ENTREP2: variants seen among roughly 807,000 people sequenced by gnomAD.
ENTREP2 encodes the protein endosomal transmembrane epsin interactor 2, also known as protein ENTREP2.
the ENTREP2 span, among the ~76,000 whole-genome samples, chr15:29,470,830 T>C: frequency 5.3e-5 from 8 of 152,256 alleles, no homozygotes; most frequent in African/African-American, 1.9e-4. Context: ...TTTTGTTTAA[T>C]TGGTAATTAA....
the ENTREP2 span, among the ~76,000 whole-genome samples, chr15:29,271,747 G>A: frequency 5.3e-5 from 8 of 152,210 alleles, no homozygotes; most frequent in African/African-American, 1.9e-4. Context: ...GACAGAAATT[G>A]TGCATTTGGG....
the ENTREP2 span, among the ~76,000 whole-genome samples, chr15:29,506,058 A>C: frequency 2.0e-5 from 3 of 152,168 alleles, no homozygotes; most frequent in Non-Finnish European, 4.4e-5. Context: ...AGCTTAGAGA[A>C]GAACATAAAT....
At chr15:29,234,361 C>A in the ENTREP2 span, 1 of 1,578,800 alleles carries the variant, frequency 6.3e-7, no homozygotes, top group Non-Finnish European at 8.7e-7. Context: ...CACTGTAACA[C>A]AGAAATGTCA....
chr15:29,344,383 C>T, the ENTREP2 span, among the ~76,000 whole-genome samples: 1 of 152,218 alleles, frequency 6.6e-6, no homozygotes, highest in Non-Finnish European at 1.5e-5. Flanking sequence ...AAACCCTAAA[C>T]ATATGTAATC....
At chr15:29,410,600 C>G in the ENTREP2 span, among the ~76,000 whole-genome samples, 2 of 152,326 alleles carry the variant, frequency 1.3e-5, no homozygotes, top group South Asian at 4.1e-4. Flanking sequence ...CTCCCTCTGC[C>G]TTCCTGACTG....
chr15:29,537,758 G>A, the ENTREP2 span, among the ~76,000 whole-genome samples: 7 of 152,148 alleles, frequency 4.6e-5, no homozygotes, highest in East Asian at 1.9e-4. Flanking sequence ...AAAAGCCACC[G>A]TCCTCCCAGT....
the ENTREP2 span, among the ~76,000 whole-genome samples, chr15:29,515,225 G>C: frequency 6.6e-6 from 1 of 152,222 alleles, no homozygotes; most frequent in Non-Finnish European, 1.5e-5. Context: ...GAGTGGGTCA[G>C]ACCTGAGTCC....
At chr15:29,208,445 T>G in the ENTREP2 span, among the ~76,000 whole-genome samples, 2 of 152,196 alleles carry the variant, frequency 1.3e-5, no homozygotes, top group African/African-American at 4.8e-5. Flanking sequence ...TAGGGCAGCC[T>G]CAGAGTGCTC....
the ENTREP2 span, among the ~76,000 whole-genome samples, chr15:29,150,946 A>G: frequency 7.0e-4 from 106 of 151,860 alleles, 1 homozygote; most frequent in Non-Finnish European, 6.6e-4. Context: ...ACAGAGACAG[A>G]GAGAGACAGA....
the ENTREP2 span, among the ~76,000 whole-genome samples, chr15:29,241,620 T>TC: frequency 6.6e-6 from 1 of 152,194 alleles, no homozygotes; most frequent in Non-Finnish European, 1.5e-5. Context: ...AACCAAATAT[T>TC]CATCAAGCCA....
the ENTREP2 span, among the ~76,000 whole-genome samples, chr15:29,240,173 A>G: frequency 1.2e-4 from 19 of 152,066 alleles, no homozygotes; most frequent in South Asian, 3.7e-3. Context: ...GACCAGCCTG[A>G]CCAACATGTA....
At chr15:29,424,333 G>A in the ENTREP2 span, among the ~76,000 whole-genome samples, 1 of 151,482 alleles carries the variant, frequency 6.6e-6, no homozygotes, top group Non-Finnish European at 1.5e-5. Context: ...ATTTTACAGA[G>A]CGTTGATTGG....
the ENTREP2 span, among the ~76,000 whole-genome samples, chr15:29,245,746 AC>A: frequency 6.6e-6 from 1 of 152,196 alleles, no homozygotes; most frequent in South Asian, 2.1e-4. Context: ...GCTCAACTTC[AC>A]TTTTAATTAA....
chr15:29,388,854 T>C, the ENTREP2 span, among the ~76,000 whole-genome samples: 1 of 151,044 alleles, frequency 6.6e-6, no homozygotes, highest in East Asian at 2.0e-4. Context: ...CTCAGCAAAC[T>C]ATCGCAAGGA....
At chr15:29,644,967 A>G in the ENTREP2 span, among the ~76,000 whole-genome samples, 2 of 152,224 alleles carry the variant, frequency 1.3e-5, no homozygotes, top group Non-Finnish European at 2.9e-5. Context: ...CCATAATTCC[A>G]GCTCTTTGGG....
the ENTREP2 span, among the ~76,000 whole-genome samples, chr15:29,383,448 C>T: frequency 6.6e-6 from 1 of 152,226 alleles, no homozygotes; most frequent in Admixed American, 6.5e-5. Context: ...CTCAACAGGG[C>T]AGCATGTGAG....
chr15:29,562,195 A>T, the ENTREP2 span, among the ~76,000 whole-genome samples: 1 of 152,358 alleles, frequency 6.6e-6, no homozygotes, highest in East Asian at 1.9e-4. Context: ...ACACACAAGG[A>T]ATGCTCATGT....
At chr15:29,361,394 C>T in the ENTREP2 span, among the ~76,000 whole-genome samples, 1 of 152,174 alleles carries the variant, frequency 6.6e-6, no homozygotes, top group Non-Finnish European at 1.5e-5. Flanking sequence ...TAAAAAGCAC[C>T]AGGTAGGCAC....
chr15:29,177,184 G>T, the ENTREP2 span, among the ~76,000 whole-genome samples: 1 of 152,200 alleles, frequency 6.6e-6, no homozygotes, highest in African/African-American at 2.4e-5. Flanking sequence ...GGGAGCGGCT[G>T]GGGGAGGATG....
Sources: gnomAD v4.1 joint callset for allele counts (sites outside exome capture counted in the v4.1 genomes callset) on GRCh38, gnomAD v4.1.1 for gene constraint, MANE v1.5 for transcripts, NCBI Gene and HGNC (gene_info 2026-07-23, HGNC 2026-07-21) for gene names.